QPCT: variants seen among roughly 807,000 people sequenced by gnomAD.
QPCT encodes the protein glutaminyl-peptide cyclotransferase.
QPCT carries 44 observed loss-of-function variants against 43.4 expected under a neutral mutation model. That is an observed-to-expected ratio of 1.01 (90% confidence interval 0.80 to 1.30). The LOEUF is 1.30. Among genes scored for constraint, QPCT ranks in the 50% most tolerant of loss-of-function variants. The pLI is 0.00. For missense variants in QPCT, 526 were observed against 436.5 expected (o/e 1.21, Z -1.83); for synonymous variants, 168 against 168.4 (o/e 1.00, Z 0.02).
At chr2:37,349,834 A>AC (rs758478958) in intron 1 of QPCT, among the ~76,000 whole-genome samples, 1 of 151,178 alleles carries the variant, frequency 6.6e-6, no homozygotes, top group Non-Finnish European at 1.5e-5. Flanking sequence ...GTGGCAGAAA[A>AC]ATGCCCATGT....
intron 3 of QPCT, 116 bp downstream of exon 3, chr2:37,359,974 CA>C: frequency 3.6e-6 from 4 of 1,104,748 alleles, no homozygotes; most frequent in Non-Finnish European, 5.2e-6. Flanking sequence ...ACTTTTGGTA[CA>C]TTTTTATTAT....
intron 2 of QPCT, among the ~76,000 whole-genome samples, chr2:37,357,247 T>TCTGGATACCAGATGTTCTGGAGTA (rs1672770131): frequency 6.6e-6 from 1 of 152,104 alleles, no homozygotes; most frequent in African/African-American, 2.4e-5. Context: ...ATGGAGCATT[T>TCTGGATACCAGATGTTCTGGAGTA]TATCATCTGG....
intron 1 of QPCT, among the ~76,000 whole-genome samples, chr2:37,352,010 C>T (rs891337176): frequency 6.9e-6 from 1 of 145,184 alleles, no homozygotes; most frequent in African/African-American, 2.5e-5. Context: ...GCCTGGGTGA[C>T]AGAGAGAAAC....
At chr2:37,361,159 A>G (rs1452741583) in intron 3 of QPCT, among the ~76,000 whole-genome samples, 2 of 152,142 alleles carry the variant, frequency 1.3e-5, no homozygotes, top group African/African-American at 4.8e-5. Flanking sequence ...GATTTTTTTT[A>G]AGAGGCTGTT....
At chr2:37,345,246 C>T (rs910170532) in intron 1 of QPCT, among the ~76,000 whole-genome samples, 1 of 152,202 alleles carries the variant, frequency 6.6e-6, no homozygotes, top group African/African-American at 2.4e-5. Flanking sequence ...CGCTAGGGTG[C>T]GGGGTGCGCC....
intron 1 of QPCT, among the ~76,000 whole-genome samples, chr2:37,346,271 T>C (rs996531307): frequency 2.0e-5 from 3 of 152,148 alleles, no homozygotes; most frequent in Non-Finnish European, 4.4e-5. Context: ...GTCTGTAACA[T>C]AAGAATAACT....
chr2:37,363,101 A>G (rs1438738980), intron 3 of QPCT, among the ~76,000 whole-genome samples: 5 of 152,180 alleles, frequency 3.3e-5, no homozygotes, highest in Admixed American at 1.3e-4. Flanking sequence ...CAGCACCAGA[A>G]AGCCATCAGA....
chr2:37,366,433 C>A (rs1485208620), intron 3 of QPCT, among the ~76,000 whole-genome samples: 1 of 152,154 alleles, frequency 6.6e-6, no homozygotes. Context: ...TTTTATCTCT[C>A]CCCAACCCAA....
chr2:37,365,550 G>A (rs972521724), intron 3 of QPCT, among the ~76,000 whole-genome samples: 1 of 152,242 alleles, frequency 6.6e-6, no homozygotes, highest in African/African-American at 2.4e-5. Flanking sequence ...GCAGTAGATG[G>A]TGGAGATAGT....
In QPCT at chr2:37,370,545, G is replaced by A. The variant is rs138640965; in HGVS notation, c.823+761G>A. Among the ~76,000 whole-genome samples, 35 of 152,184 alleles carry A rather than the reference G, an allele frequency of 2.3e-4. 1 individual carries two copies. In the East Asian group the frequency reaches 6.7e-3, roughly 29 times the overall value. The stretch of plus-strand genomic sequence containing the variant: ...TCTTCAGTTTTTCTTTTCCATCTCT[G>A]TCTTTGCCATCTTCTATTTTCTACC... On this transcript the variant is annotated intron_variant, in intron 5 of 6. Transcript: ENST00000338415.
intron 3 of QPCT, 40 bp from the exon 4 acceptor site, chr2:37,367,192 C>T (rs766118100): frequency 1.9e-6 from 3 of 1,551,594 alleles, no homozygotes; most frequent in Non-Finnish European, 2.6e-6. Flanking sequence ...TTCATCATCA[C>T]AGTATTTTTT....
intron 5 of QPCT, 25 bp downstream of exon 5, chr2:37,369,809 T>C (rs765370359): frequency 3.3e-6 from 5 of 1,505,016 alleles, no homozygotes; most frequent in Non-Finnish European, 4.6e-6. Context: ...TATTAATGAA[T>C]AAAACATCAT....
chr2:37,359,498 C>G, intron 2 of QPCT, 82 bp from the exon 3 acceptor site: 1 of 1,321,314 alleles, frequency 7.6e-7, no homozygotes, highest in Non-Finnish European at 1.0e-6. Flanking sequence ...TTGAAAGGCA[C>G]TACTTAAAAT....
chr2:37,344,908 C>A (rs1466310640), intron 1 of QPCT, 57 bp downstream of exon 1: 5 of 1,488,516 alleles, frequency 3.4e-6, no homozygotes, highest in Non-Finnish European at 4.5e-6. Context: ...ATGCGAGGAC[C>A]CCTGGCCGGG....
intron 3 of QPCT, 143 bp from the exon 4 acceptor site, chr2:37,367,089 A>G: frequency 2.4e-6 from 2 of 848,486 alleles, no homozygotes; most frequent in Non-Finnish European, 1.8e-6. Context: ...GTGGTGTGGA[A>G]TAAATTTTGC....
chr2:37,364,176 T>A lies in QPCT; in HGVS notation c.547-3056T>A, dbSNP rs1672910571. 3.3e-5 allele frequency among the ~76,000 whole-genome samples: 5 copies of A among 152,168 alleles called. No individual in the cohort carries two copies. The South Asian group carries it at 1.0e-3, about 32-fold the overall frequency. Reference sequence around the variant, plus strand: ...AATAGAATGAAGACATTTTCAGAGGTAAATCTCAACAATTTTCACTCCCAT... The same window carrying A: ...AATAGAATGAAGACATTTTCAGAGGAAAATCTCAACAATTTTCACTCCCAT... On this transcript the variant is annotated intron_variant, in intron 3 of 6. Coordinates refer to ENST00000338415, the MANE Select transcript of QPCT (RefSeq NM_012413.4).
In QPCT at chr2:37,351,132, A is replaced by G. The variant is rs764426844; in HGVS notation, c.121-1657A>G. Among the ~76,000 whole-genome samples the G allele has an allele frequency of 2.6e-4, 40 of 152,356 alleles. No individual in the cohort carries two copies. In the Middle Eastern group the frequency reaches 0.01, roughly 39 times the overall value. On this transcript the variant is annotated intron_variant, in intron 1 of 6. Coordinates refer to ENST00000338415, the MANE Select transcript of QPCT (RefSeq NM_012413.4). ...TGAAGTCCAGTTTCACACCAGTCCC[A>G]TGGAGTCGATCACATGGAATGAAAA...
chr2:37,362,181 T>G (rs1354379857), intron 3 of QPCT, among the ~76,000 whole-genome samples: 2 of 152,218 alleles, frequency 1.3e-5, no homozygotes, highest in East Asian at 1.9e-4. Flanking sequence ...TAAAAACTAT[T>G]TCCGTTTGCC....
At chr2:37,355,699 T>G (rs972266271) in intron 2 of QPCT, among the ~76,000 whole-genome samples, 3 of 152,178 alleles carry the variant, frequency 2.0e-5, no homozygotes, top group Non-Finnish European at 2.9e-5. Flanking sequence ...GATAAGTTAT[T>G]TGTAAAACAA....
Sources: gnomAD v4.1 joint callset for allele counts (sites outside exome capture counted in the v4.1 genomes callset) on GRCh38, gnomAD v4.1.1 for gene constraint, MANE v1.5 for transcripts, NCBI Gene and HGNC (gene_info 2026-07-23, HGNC 2026-07-21) for gene names.